MGAT4C: variants seen among roughly 807,000 people sequenced by gnomAD.
MGAT4C encodes the protein MGAT4 family member C.
A neutral mutation model predicts 40.1 loss-of-function variants in MGAT4C; 19 were observed. The observed-to-expected ratio is 0.47, with a 90% CI of 0.33 to 0.70. MGAT4C has a LOEUF of 0.70. Ranked by LOEUF, MGAT4C falls within the 30% of genes least tolerant of loss-of-function variation. The pLI, the probability that MGAT4C is intolerant of heterozygous loss-of-function variation, is 0.02. For synonymous variants in MGAT4C, 181 were observed against 187.1 expected (o/e 0.97, Z 0.27); for missense variants, 491 against 563.2 (o/e 0.87, Z 1.30).
At chr12:86,830,173 G>A (rs1023614505) in intron 1 of MGAT4C, among the ~76,000 whole-genome samples, 28 of 151,290 alleles carry the variant, frequency 1.9e-4, no homozygotes, top group African/African-American at 6.5e-4. Flanking sequence ...TGTCCCTCTT[G>A]TCAGTCCATC....
chr12:86,141,887 G>T (rs1882885631), intron 1 of MGAT4C, among the ~76,000 whole-genome samples: 1 of 152,106 alleles, frequency 6.6e-6, no homozygotes, highest in Admixed American at 6.6e-5. Context: ...AGGCCAAGAA[G>T]AGACCCGACA....
intron 3 of MGAT4C, among the ~76,000 whole-genome samples, chr12:86,406,758 T>TATA (rs1462914278): frequency 6.6e-6 from 1 of 152,080 alleles, no homozygotes; most frequent in African/African-American, 2.4e-5. Context: ...TCAGCAACTA[T>TATA]ACTCTGTAAA....
intron 1 of MGAT4C, among the ~76,000 whole-genome samples, chr12:86,052,704 A>T (rs2136973651): frequency 1.3e-5 from 2 of 152,084 alleles, no homozygotes; most frequent in Middle Eastern, 6.8e-3. Flanking sequence ...ATCTTAAATC[A>T]TGTATTATTT....
chr12:86,114,698 C>A (rs897458659), intron 1 of MGAT4C, among the ~76,000 whole-genome samples: 1 of 151,674 alleles, frequency 6.6e-6, no homozygotes, highest in African/African-American at 2.4e-5. Context: ...TCTGAGGTGC[C>A]CAAGGCAAAA....
intron 2 of MGAT4C, among the ~76,000 whole-genome samples, chr12:86,016,719 A>G (rs1349985409): frequency 6.6e-6 from 1 of 152,180 alleles, no homozygotes; most frequent in East Asian, 1.9e-4. Context: ...TATTGGTGCA[A>G]CACAGTGCAT....
intron 1 of MGAT4C, among the ~76,000 whole-genome samples, chr12:86,729,363 A>T (rs1183460021): frequency 2.6e-5 from 4 of 152,070 alleles, no homozygotes; most frequent in Non-Finnish European, 1.5e-5. Flanking sequence ...ACAAAAATTT[A>T]AAAAAATAAA....
chr12:86,774,207 C>T (rs934347039), intron 1 of MGAT4C, among the ~76,000 whole-genome samples: 2 of 151,892 alleles, frequency 1.3e-5, no homozygotes. Context: ...GTCCACCTGG[C>T]CTCCTAAAGT....
intron 2 of MGAT4C, among the ~76,000 whole-genome samples, chr12:86,688,157 CTTTTTTTT>C (rs55637680): frequency 4.6e-5 from 3 of 65,190 alleles, no homozygotes; most frequent in African/African-American, 1.3e-4. Context: ...GCAACCCCTG[CTTTTTTTT>C]TTTTTTTTTT....
At position 86,240,034 on chromosome 12, in the gene MGAT4C, AAAAAT is replaced by A. The variant is rs1335898264; in HGVS notation, c.-57+16200_-57+16204del. Among the ~76,000 whole-genome samples the A allele has an allele frequency of 1.7e-3, 59 of 34,634 alleles. 1 individual carries two copies. The highest frequency in any genetic ancestry group is 2.4e-3 in the African/African-American group (49 of 20,162). The allele number at this position is 34,634 out of a possible 152,430, so 22.7% of individuals were successfully genotyped here. A position where few individuals can be genotyped will look rare whatever the true frequency, so the allele number is the denominator to read the frequency against. On this transcript the variant is annotated intron_variant, in intron 1 of 4. Transcript: ENST00000611864. ...TAAAACTTAGAGTATAATAAAAAAA[AAAAAT>A]AAAAAATAAAATAAAATAAAATAAA... is the stretch of plus-strand genomic sequence containing the variant.
intron 3 of MGAT4C, among the ~76,000 whole-genome samples, chr12:86,404,495 G>A (rs1956427286): frequency 6.6e-6 from 1 of 152,100 alleles, no homozygotes; most frequent in African/African-American, 2.4e-5. Flanking sequence ...TAAGAGGGAG[G>A]GAGAGGGAGA....
intron 1 of MGAT4C, among the ~76,000 whole-genome samples, chr12:86,809,904 CTT>C (rs1952438597): frequency 6.6e-6 from 1 of 151,994 alleles, no homozygotes; most frequent in Non-Finnish European, 1.5e-5. Context: ...TATGAAAATT[CTT>C]TCTAGCACCT....
chr12:86,259,160 A>T (rs189559359), upstream of MGAT4C, among the ~76,000 whole-genome samples: 256 of 152,102 alleles, frequency 1.7e-3, 1 homozygote, highest in African/African-American at 5.8e-3. Flanking sequence ...GAAAGTAATA[A>T]TTAGTAGAAT....
rs75349148 is a variant in MGAT4C, at chr12:86,136,438, A to C, written c.-56-86715T>G. On this transcript the variant is annotated intron_variant, in intron 1 of 4. Transcript: ENST00000611864. Reference sequence around the variant, plus strand: ...GTGGGGGTGGTGACGTGGAGGACAAATATTTTAGATAGAGTGGTTAGGAAG... The same window carrying C: ...GTGGGGGTGGTGACGTGGAGGACAACTATTTTAGATAGAGTGGTTAGGAAG... Among the ~76,000 whole-genome samples, 74 of 152,290 alleles carry C rather than the reference A, an allele frequency of 4.9e-4. 2 individuals are homozygous for C. The East Asian group carries it at 0.014, about 29-fold the overall frequency.
At chr12:86,158,211 T>A (rs1396006615) in intron 1 of MGAT4C, among the ~76,000 whole-genome samples, 1 of 152,094 alleles carries the variant, frequency 6.6e-6, no homozygotes, top group Non-Finnish European at 1.5e-5. Flanking sequence ...ATAGGGAGAC[T>A]CTCATACAAA....
rs780523022 is a variant in MGAT4C, at chr12:86,626,928, G to A, written c.-229+100281C>T. 7.2e-5 allele frequency among the ~76,000 whole-genome samples: 11 copies of A among 152,342 alleles called. No individual in the cohort carries two copies. In the South Asian group the frequency reaches 8.3e-4, roughly 11 times the overall value. ...AGCAGGGTGGGTCATCACCTCACCT[G>A]GGAAGTGCAAGGGGTTGGGGGATTT... On this transcript the variant is annotated intron_variant, in intron 2 of 7. Transcript: ENST00000548651.
intron 3 of MGAT4C, among the ~76,000 whole-genome samples, chr12:86,356,995 T>C (rs1021232782): frequency 6.6e-6 from 1 of 152,098 alleles, no homozygotes. Context: ...CCACAGAGTT[T>C]GAGATCTGAG....
At chr12:86,545,855 C>T (rs996367957) in intron 2 of MGAT4C, among the ~76,000 whole-genome samples, 45 of 151,938 alleles carry the variant, frequency 3.0e-4, no homozygotes, top group African/African-American at 1.1e-3. Flanking sequence ...AGTAAGAATA[C>T]TGTCATAGAA....
chr12:86,352,919 A>G (rs1219622678), intron 3 of MGAT4C, among the ~76,000 whole-genome samples: 2 of 151,912 alleles, frequency 1.3e-5, no homozygotes, highest in Admixed American at 6.6e-5. Context: ...CTAATGTTAA[A>G]TGACGAGTTA....
chr12:86,010,800 C>T (rs887898513), intron 2 of MGAT4C, among the ~76,000 whole-genome samples: 1 of 152,104 alleles, frequency 6.6e-6, no homozygotes, highest in African/African-American at 2.4e-5. Flanking sequence ...GGCTTCTGCC[C>T]TTGTGAATGG....
Sources: allele counts gnomAD v4.1 joint callset (sites outside exome capture counted in the v4.1 genomes callset), GRCh38; gene constraint gnomAD v4.1.1; transcripts MANE v1.5; gene names NCBI Gene and HGNC (gene_info 2026-07-23, HGNC 2026-07-21).